The following TXNRD2 variants were observed in gnomAD, a reference collection of about 807,000 sequenced individuals.
TXNRD2 encodes the protein thioredoxin reductase 2, also known as thioredoxin reductase 2, mitochondrial.
TXNRD2 carries 67 observed loss-of-function variants against 70.8 expected under a neutral mutation model. The ratio of observed to expected loss-of-function variants is 0.95; its 90% confidence interval spans 0.78 to 1.16. The LOEUF is 1.16. Ranked by LOEUF, TXNRD2 falls within the 50% of genes most tolerant of loss-of-function variation. TXNRD2 has a pLI of 0.00. For synonymous variants in TXNRD2, 301 were observed against 295.8 expected, an observed-to-expected ratio of 1.02 and a Z score of -0.18; for missense variants, 644 against 719.9, an observed-to-expected ratio of 0.89 and a Z score of 1.21.
At chr22:19,896,563 C>T (rs1256169434) in intron 10 of TXNRD2, among the ~76,000 whole-genome samples, 1 of 152,166 alleles carries the variant, frequency 6.6e-6, no homozygotes, top group Non-Finnish European at 1.5e-5. Flanking sequence ...AATGTAGGCA[C>T]AGCAGGCTCA....
intron 11 of TXNRD2, chr22:19,883,772 G>A: frequency 2.6e-6 from 1 of 380,152 alleles, no homozygotes; most frequent in Non-Finnish European, 5.0e-6. Context: ...TGGCCAACAT[G>A]GTGAAACCCC....
At chr22:19,915,154 C>A (rs913502900) in intron 7 of TXNRD2, 60 bp downstream of exon 7, 17 of 1,540,050 alleles carry the variant, frequency 1.1e-5, no homozygotes, top group Non-Finnish European at 1.5e-5. Flanking sequence ...AAAACGTATC[C>A]CTCAAAGAGG....
intron 11 of TXNRD2, 50 bp from the exon 12 acceptor site, chr22:19,883,511 C>T: frequency 6.2e-7 from 1 of 1,612,676 alleles, no homozygotes; most frequent in Non-Finnish European, 8.5e-7. Context: ...TGGCTTTGAC[C>T]TAGAGCGGTT....
At chr22:19,916,284 A>T in intron 5 of TXNRD2, 1 of 219,654 alleles carries the variant, frequency 4.6e-6, no homozygotes, top group Non-Finnish European at 9.2e-6. Context: ...CTGGCAAAAC[A>T]GTGGCTGGGA....
At chr22:19,921,706 G>A (rs1190643038) in intron 2 of TXNRD2, among the ~76,000 whole-genome samples, 2 of 152,184 alleles carry the variant, frequency 1.3e-5, no homozygotes, top group Non-Finnish European at 2.9e-5. Context: ...GAGGCAGCCA[G>A]AGGTCATGCA....
chr22:19,906,742 C>T (rs781459432), intron 8 of TXNRD2, among the ~76,000 whole-genome samples: 33 of 152,172 alleles, frequency 2.2e-4, no homozygotes, highest in Non-Finnish European at 4.0e-4. Context: ...AGACAAACCA[C>T]GATCAGTGGG....
chr22:19,909,710 C>T (rs1392584584), intron 8 of TXNRD2, among the ~76,000 whole-genome samples: 2 of 143,354 alleles, frequency 1.4e-5, no homozygotes, highest in Non-Finnish European at 3.0e-5. Flanking sequence ...ACACACCACA[C>T]ACACCACGCA....
At chr22:19,899,285 CGTGT>C (rs894874958) in intron 8 of TXNRD2, among the ~76,000 whole-genome samples, 5 of 152,316 alleles carry the variant, frequency 3.3e-5, no homozygotes, top group African/African-American at 1.2e-4. Flanking sequence ...TGGTGAAGGG[CGTGT>C]GTGTCAGTGA....
chr22:19,919,409 G>T, intron 3 of TXNRD2, 134 bp downstream of exon 3: 1 of 830,372 alleles, frequency 1.2e-6, no homozygotes, highest in Non-Finnish European at 2.0e-6. Context: ...AATGATGAGT[G>T]AAACAGGACA....
chr22:19,909,514 C>CA (rs1940222406), intron 8 of TXNRD2, among the ~76,000 whole-genome samples: 1 of 144,050 alleles, frequency 6.9e-6, no homozygotes. Flanking sequence ...CACACACACA[C>CA]CACTCACACA....
At chr22:19,928,766 G>A (rs1569111058) in intron 2 of TXNRD2, among the ~76,000 whole-genome samples, 1 of 152,124 alleles carries the variant, frequency 6.6e-6, no homozygotes, top group African/African-American at 2.4e-5. Context: ...CAGAACTTTG[G>A]GAGGCCGAGG....
At chr22:19,888,968 C>T (rs186246125) in intron 11 of TXNRD2, among the ~76,000 whole-genome samples, 57 of 151,364 alleles carry the variant, frequency 3.8e-4, no homozygotes, top group African/African-American at 1.3e-3. Context: ...GGGAAGGGGA[C>T]GCACCTGCCC....
At chr22:19,927,245 G>C (rs1268325962) in intron 2 of TXNRD2, among the ~76,000 whole-genome samples, 1 of 152,158 alleles carries the variant, frequency 6.6e-6, no homozygotes, top group African/African-American at 2.4e-5. Flanking sequence ...AGTGAGCTGA[G>C]ATTGTGCCAT....
intron 8 of TXNRD2, among the ~76,000 whole-genome samples, chr22:19,907,608 C>T (rs73148970): frequency 0.23 from 4,333 of 19,000 alleles, 1,196 homozygotes; most frequent in East Asian, 0.55. Context: ...GGAGTGTGGG[C>T]GCCGTGGATA....
chr22:19,888,458 G>A (rs890063577), intron 11 of TXNRD2, among the ~76,000 whole-genome samples: 1 of 152,238 alleles, frequency 6.6e-6, no homozygotes, highest in Admixed American at 6.5e-5. Context: ...TCTCATCCAT[G>A]ATGGGAAGAA....
rs1373601526 is a variant in TXNRD2, at chr22:19,914,735, C to T, written c.591+479G>A. 1.2e-4 allele frequency among the ~76,000 whole-genome samples: 18 copies of T among 152,078 alleles called. 2 individuals are homozygous for T. Among genetic ancestry groups the T allele is most frequent in the Admixed American group, 1.1e-3 (17 of 15,256 alleles). The stretch of plus-strand genomic sequence containing the variant: ...GCAATGGATGGTGGTGACTGATGGC[C>T]GCACAGCTCTGTGAATGTACTAAAA... On this transcript the variant is annotated intron_variant, in intron 7 of 17. Coordinates refer to ENST00000400521, the MANE Select transcript of TXNRD2 (RefSeq NM_006440.5).
intron 2 of TXNRD2, among the ~76,000 whole-genome samples, chr22:19,926,394 G>A (rs1452706343): frequency 6.6e-6 from 1 of 152,006 alleles, no homozygotes; most frequent in Non-Finnish European, 1.5e-5. Flanking sequence ...GGAGGCTGAG[G>A]CAGGAGAATC....
At chr22:19,911,325 G>A (rs1569095287) in intron 8 of TXNRD2, 52 bp downstream of exon 8, 9 of 1,417,694 alleles carry the variant, frequency 6.3e-6, no homozygotes, top group Non-Finnish European at 9.0e-6. Flanking sequence ...AGGGTCCAGT[G>A]CTCACTCTGG....
intron 8 of TXNRD2, among the ~76,000 whole-genome samples, chr22:19,907,262 G>T (rs1278793061): frequency 6.1e-4 from 24 of 39,320 alleles, no homozygotes; most frequent in African/African-American, 2.5e-3. Flanking sequence ...GGGCGCCGTG[G>T]GTAGCAGTGA....
Sources: allele counts gnomAD v4.1 joint callset (sites outside exome capture counted in the v4.1 genomes callset), GRCh38; gene constraint gnomAD v4.1.1; transcripts MANE v1.5; gene names NCBI Gene and HGNC (gene_info 2026-07-23, HGNC 2026-07-21).